The following PRDM5 variants were observed in gnomAD, a reference collection of about 807,000 sequenced individuals.
The protein encoded by PRDM5 is PR/SET domain 5, also known as PR domain zinc finger protein 5.
Under a neutral mutation model 81.2 loss-of-function variants are expected in PRDM5, and 56 were observed. The observed-to-expected ratio is 0.69, with a 90% CI of 0.56 to 0.86. The LOEUF is 0.86. PRDM5 is among the 40% of genes least tolerant of loss of function. The pLI, the probability that PRDM5 is intolerant of heterozygous loss-of-function variation, is 0.00. For synonymous variants in PRDM5, 267 were observed against 256.4 expected (o/e 1.04, Z -0.39); for missense variants, 697 against 770.1 (o/e 0.91, Z 1.12).
At chr4:120,729,408 C>A (rs1004145078) in intron 14 of PRDM5, among the ~76,000 whole-genome samples, 17 of 152,100 alleles carry the variant, frequency 1.1e-4, no homozygotes, top group African/African-American at 3.9e-4. Context: ...CCCACAACAT[C>A]CATGAGATGA....
At chr4:120,792,710 G>A (rs1017940985) in intron 10 of PRDM5, among the ~76,000 whole-genome samples, 4 of 152,174 alleles carry the variant, frequency 2.6e-5, no homozygotes, top group African/African-American at 9.7e-5. Context: ...TAGACACAAT[G>A]TAATACTATT....
chr4:120,895,190 G>A (rs1764479442), intron 2 of PRDM5, among the ~76,000 whole-genome samples: 2 of 152,190 alleles, frequency 1.3e-5, no homozygotes, highest in South Asian at 2.1e-4. Context: ...GCAAAGCAAA[G>A]GGAGAAAATT....
chr4:120,819,958 A>G (rs1755044440), intron 4 of PRDM5, among the ~76,000 whole-genome samples: 1 of 152,234 alleles, frequency 6.6e-6, no homozygotes, highest in Non-Finnish European at 1.5e-5. Context: ...TTAGAACAGA[A>G]AAAGTACAGG....
intron 2 of PRDM5, among the ~76,000 whole-genome samples, chr4:120,874,953 T>G (rs1246050561): frequency 2.0e-5 from 3 of 152,136 alleles, no homozygotes; most frequent in African/African-American, 4.8e-5. Context: ...CTGTTCTAAG[T>G]GTGGTCTGCG....
Position 120,922,633 on chromosome 4 carries a change from C to T in PRDM5, c.-25G>A, listed in dbSNP as rs1003287776. On this transcript the variant is annotated 5_prime_UTR_variant, in exon 1 of 16. Coordinates refer to ENST00000264808, the MANE Select transcript of PRDM5 (RefSeq NM_018699.4). Reference sequence around the variant, plus strand: ...TTTTCCCGGGCGCGGCGGCCGCCGCCTCTCTCAACACCGGCGCTTAGCGCC... The same window carrying T: ...TTTTCCCGGGCGCGGCGGCCGCCGCTTCTCTCAACACCGGCGCTTAGCGCC... 7.6e-6 allele frequency: 12 copies of T among 1,577,356 alleles called. No homozygotes were observed. The African/African-American group carries it at 1.5e-4, about 20-fold the overall frequency.
intron 2 of PRDM5, among the ~76,000 whole-genome samples, chr4:120,870,369 C>G (rs149775167): frequency 4.4e-4 from 67 of 152,278 alleles, no homozygotes; most frequent in African/African-American, 1.6e-3. Context: ...AAGACTCTGC[C>G]CCATTTTATT....
At chr4:120,809,902 T>C (rs1753584894) in intron 8 of PRDM5, among the ~76,000 whole-genome samples, 1 of 152,332 alleles carries the variant, frequency 6.6e-6, no homozygotes, top group Admixed American at 6.5e-5. Context: ...ATAGTTTCTG[T>C]ATTCCATTAC....
At chr4:120,739,396 T>C (rs1362678677) in intron 14 of PRDM5, among the ~76,000 whole-genome samples, 2 of 152,200 alleles carry the variant, frequency 1.3e-5, no homozygotes, top group African/African-American at 4.8e-5. Context: ...CTAATGCACA[T>C]TATGTTCTAG....
At chr4:120,698,408 G>A (rs1283729595) in intron 15 of PRDM5, among the ~76,000 whole-genome samples, 1 of 151,924 alleles carries the variant, frequency 6.6e-6, no homozygotes, top group South Asian at 2.1e-4. Flanking sequence ...TTATTTTCCG[G>A]AATAGGCCCT....
intron 1 of PRDM5, among the ~76,000 whole-genome samples, chr4:120,913,843 C>A (rs1254364985): frequency 6.6e-6 from 1 of 152,162 alleles, no homozygotes; most frequent in Non-Finnish European, 1.5e-5. Context: ...GGGTCACAGC[C>A]CACAATCTTT....
At chr4:120,816,313 A>C (rs1468378527) in intron 7 of PRDM5, 140 bp downstream of exon 7, 3 of 1,388,886 alleles carry the variant, frequency 2.2e-6, no homozygotes, top group Non-Finnish European at 3.0e-6. Flanking sequence ...GAAAGAAAAA[A>C]ATCCACTGCC....
intron 14 of PRDM5, among the ~76,000 whole-genome samples, chr4:120,714,673 G>T (rs1376733727): frequency 6.6e-6 from 1 of 152,058 alleles, no homozygotes; most frequent in Non-Finnish European, 1.5e-5. Flanking sequence ...TCCTGCTCGT[G>T]GCTTTTGTTT....
In PRDM5 at chr4:120,729,027, C is replaced by T. The variant is rs1017517175; in HGVS notation, c.1624-18614G>A. 8.5e-5 allele frequency among the ~76,000 whole-genome samples: 13 copies of T among 152,186 alleles called. No individual in the cohort carries two copies. The East Asian group carries it at 1.7e-3, about 20-fold the overall frequency. On this transcript the variant is annotated intron_variant, in intron 14 of 15. Coordinates refer to ENST00000264808, the MANE Select transcript of PRDM5 (RefSeq NM_018699.4). ...CTAGAAAGATATGAATCTAGGACCCCGCAGGAGACGGCTTTCCCTCTAATG... is the reference window on the plus strand; with the variant it reads ...CTAGAAAGATATGAATCTAGGACCCTGCAGGAGACGGCTTTCCCTCTAATG...
downstream of PRDM5, among the ~76,000 whole-genome samples, chr4:120,689,055 C>T (rs1184717232): frequency 6.6e-6 from 1 of 152,062 alleles, no homozygotes; most frequent in Non-Finnish European, 1.5e-5. Flanking sequence ...AGTCATCTGC[C>T]CTTTACTGCA....
At chr4:120,781,343 GTCCTA>G in intron 11 of PRDM5, 40 bp from the exon 12 acceptor site, 1 of 1,584,212 alleles carries the variant, frequency 6.3e-7, no homozygotes, top group Non-Finnish European at 8.7e-7. Context: ...CAATAGCAGG[GTCCTA>G]TTAATTTCCT....
chr4:120,813,737 G>A (rs1332192606), intron 7 of PRDM5, among the ~76,000 whole-genome samples: 1 of 152,160 alleles, frequency 6.6e-6, no homozygotes, highest in Admixed American at 6.5e-5. Context: ...CATTCAGAAA[G>A]AATATTCCCT....
chr4:120,922,305 C>CGTGGCGCTGCCTGCTCGG (rs1725051032), intron 1 of PRDM5, among the ~76,000 whole-genome samples: 1 of 152,078 alleles, frequency 6.6e-6, no homozygotes, highest in Non-Finnish European at 1.5e-5. Context: ...CCGCCACCTA[C>CGTGGCGCTGCCTGCTCGG]GTGGCGCTGC....
At chr4:120,834,097 C>T (rs532966005) in intron 3 of PRDM5, among the ~76,000 whole-genome samples, 13 of 152,064 alleles carry the variant, frequency 8.5e-5, no homozygotes, top group African/African-American at 1.7e-4. Context: ...AGCTTCAACA[C>T]GTGGAGGGAC....
intron 10 of PRDM5, among the ~76,000 whole-genome samples, chr4:120,795,485 G>A (rs891035542): frequency 6.6e-6 from 1 of 150,388 alleles, no homozygotes; most frequent in African/African-American, 2.5e-5. Context: ...AAATACAACT[G>A]TAATTCAGAT....
Sources: gnomAD v4.1 joint callset for allele counts (sites outside exome capture counted in the v4.1 genomes callset) on GRCh38, gnomAD v4.1.1 for gene constraint, MANE v1.5 for transcripts, NCBI Gene and HGNC (gene_info 2026-07-23, HGNC 2026-07-21) for gene names.